Variants in CABLES1 observed in about 807,000 individuals in gnomAD.
CABLES1 encodes the protein CDK5 and ABL1 enzyme substrate 1.
CABLES1 carries 36 observed loss-of-function variants against 57.8 expected under a neutral mutation model. That is an observed-to-expected ratio of 0.62 (90% CI 0.48 to 0.82). The LOEUF (loss-of-function observed/expected upper bound fraction) is 0.82. Ranked by LOEUF, CABLES1 falls within the 40% of genes least tolerant of loss-of-function variation. The pLI is 0.00. For synonymous variants in CABLES1, 374 were observed against 363.0 expected (o/e 1.03, Z -0.35); for missense variants, 767 against 836.6 (o/e 0.92, Z 1.03).
At chr18:23,143,492 T>C (rs2046870620) in intron 1 of CABLES1, among the ~76,000 whole-genome samples, 1 of 152,132 alleles carries the variant, frequency 6.6e-6, no homozygotes, top group Non-Finnish European at 1.5e-5. Flanking sequence ...CGCTGTATCT[T>C]CTCAGCATCA....
intron 7 of CABLES1, among the ~76,000 whole-genome samples, chr18:23,239,977 G>A (rs2047694318): frequency 6.6e-6 from 1 of 152,172 alleles, no homozygotes; most frequent in South Asian, 2.1e-4. Context: ...AATTAGCCAG[G>A]TGTGGTGTTG....
At chr18:23,222,158 CCCTCTCTCAGCACAGCT>C (rs1181865540) in intron 4 of CABLES1, among the ~76,000 whole-genome samples, 1 of 152,136 alleles carries the variant, frequency 6.6e-6, no homozygotes, top group Non-Finnish European at 1.5e-5. Flanking sequence ...TCCTCTCCAG[CCCTCTCTCAGCACAGCT>C]CCTCTCTCAG....
intron 4 of CABLES1, among the ~76,000 whole-genome samples, chr18:23,218,728 A>T (rs915227227): frequency 6.6e-6 from 1 of 152,174 alleles, no homozygotes. Context: ...TTTAACTTGA[A>T]CACTGATTGT....
chr18:23,246,541 G>A (rs113284103), intron 7 of CABLES1, among the ~76,000 whole-genome samples: 14,505 of 151,474 alleles, frequency 0.096, 1,026 homozygotes, highest in Admixed American at 0.21. Flanking sequence ...ACAGGCACCC[G>A]CCACCACACC....
intron 1 of CABLES1, among the ~76,000 whole-genome samples, chr18:23,166,287 C>T (rs911488205): frequency 3.9e-5 from 6 of 151,972 alleles, no homozygotes; most frequent in South Asian, 2.1e-4. Context: ...CTGCAACCTC[C>T]GCCTCTTGGG....
intron 1 of CABLES1, among the ~76,000 whole-genome samples, chr18:23,151,175 C>T (rs1325257671): frequency 6.6e-6 from 1 of 152,010 alleles, no homozygotes; most frequent in African/African-American, 2.4e-5. Flanking sequence ...CCCGCCACCA[C>T]GCCCGGCTAA....
chr18:23,144,868 C>T (rs73964442), intron 1 of CABLES1, among the ~76,000 whole-genome samples: 3,501 of 152,172 alleles, frequency 0.023, 151 homozygotes, highest in African/African-American at 0.08. Context: ...TTTTCTTTTT[C>T]CCCTTCCAGA....
intron 3 of CABLES1, among the ~76,000 whole-genome samples, chr18:23,210,184 A>G (rs2145048285): frequency 6.6e-6 from 1 of 152,224 alleles, no homozygotes; most frequent in South Asian, 2.1e-4. Context: ...GCCGATGTTC[A>G]TGTGGAAATG....
At chr18:23,168,712 C>T (rs1202748509) in intron 1 of CABLES1, among the ~76,000 whole-genome samples, 2 of 152,312 alleles carry the variant, frequency 1.3e-5, no homozygotes, top group Non-Finnish European at 1.5e-5. Context: ...AAGGGTCCTG[C>T]GGCCATTCCA....
chr18:23,168,565 G>A (rs1160023350), intron 1 of CABLES1, among the ~76,000 whole-genome samples: 2 of 152,228 alleles, frequency 1.3e-5, no homozygotes, highest in Non-Finnish European at 2.9e-5. Flanking sequence ...CAATGTAAAT[G>A]CAGTCAATGC....
At chr18:23,152,484 T>A (rs2046937138) in intron 1 of CABLES1, among the ~76,000 whole-genome samples, 1 of 122,288 alleles carries the variant, frequency 8.2e-6, no homozygotes, top group Admixed American at 9.0e-5. Flanking sequence ...TCGTTTGGTC[T>A]AATTTTTTTT....
intron 1 of CABLES1, among the ~76,000 whole-genome samples, chr18:23,172,030 C>G (rs2047086252): frequency 6.6e-6 from 1 of 152,230 alleles, no homozygotes; most frequent in African/African-American, 2.4e-5. Context: ...AAGTGATTCT[C>G]CCACATCAGC....
intron 1 of CABLES1, among the ~76,000 whole-genome samples, chr18:23,178,930 G>A (rs2047144182): frequency 6.6e-6 from 1 of 151,998 alleles, no homozygotes; most frequent in South Asian, 2.1e-4. Flanking sequence ...CTAGTGTATT[G>A]ATTTTAATTT....
intron 7 of CABLES1, 71 bp from the exon 8 acceptor site, chr18:23,252,889 G>A (rs1305476979): frequency 2.6e-5 from 27 of 1,020,674 alleles, no homozygotes; most frequent in African/African-American, 1.7e-4. Flanking sequence ...TAAGTTGGTC[G>A]TAGTTGGTGC....
chr18:23,154,873 C>G (rs2046955641), intron 1 of CABLES1, among the ~76,000 whole-genome samples: 1 of 152,230 alleles, frequency 6.6e-6, no homozygotes, highest in Non-Finnish European at 1.5e-5. Flanking sequence ...GACACCTGTA[C>G]TGTTCAACAC....
chr18:23,228,454 AAGAC>A (rs1568076924), intron 4 of CABLES1, among the ~76,000 whole-genome samples: 1 of 152,194 alleles, frequency 6.6e-6, no homozygotes, highest in Non-Finnish European at 1.5e-5. Context: ...AGCCAAAACT[AAGAC>A]AGGGGTCCAG....
chr18:23,225,042 A>G (rs2047518216), intron 4 of CABLES1, among the ~76,000 whole-genome samples: 3 of 151,410 alleles, frequency 2.0e-5, no homozygotes, highest in African/African-American at 7.3e-5. Flanking sequence ...TAATTTTTGT[A>G]TTTTTTGTAG....
intron 1 of CABLES1, among the ~76,000 whole-genome samples, chr18:23,167,209 T>A (rs1207297988): frequency 6.6e-6 from 1 of 152,120 alleles, no homozygotes; most frequent in Non-Finnish European, 1.5e-5. Context: ...CATCTTTTTT[T>A]ATTAAATTTA....
chr18:23,247,789 G>C (rs376000013), intron 7 of CABLES1, among the ~76,000 whole-genome samples: 1 of 152,226 alleles, frequency 6.6e-6, no homozygotes, highest in South Asian at 2.1e-4. Flanking sequence ...CAGGAGGCCA[G>C]GACAGAAGGC....
Sources: allele counts gnomAD v4.1 joint callset (sites outside exome capture counted in the v4.1 genomes callset), GRCh38; gene constraint gnomAD v4.1.1; transcripts MANE v1.5; gene names NCBI Gene and HGNC (gene_info 2026-07-23, HGNC 2026-07-21).